Variants in TSBP1 observed in about 807,000 individuals in gnomAD.
The protein encoded by TSBP1 is testis-expressed basic protein 1.
A neutral mutation model predicts 68.8 loss-of-function variants in TSBP1; 56 were observed. That is an observed-to-expected ratio of 0.81 (90% confidence interval 0.66 to 1.02). The LOEUF is 1.02. TSBP1 is among the 50% of genes least tolerant of loss of function. The pLI is 0.00. For missense variants in TSBP1, 502 were observed against 641.2 expected (o/e 0.78, Z 2.34); for synonymous variants, 171 against 208.7 (o/e 0.82, Z 1.56).
intron 19 of TSBP1, among the ~76,000 whole-genome samples, chr6:32,308,312 C>G (rs1765976026): frequency 1.3e-5 from 2 of 151,714 alleles, no homozygotes; most frequent in African/African-American, 4.8e-5. Context: ...TTTTAACCCT[C>G]ATTTAAAAAA....
intron 8 of TSBP1, among the ~76,000 whole-genome samples, chr6:32,351,370 A>T (rs1771697601): frequency 6.6e-6 from 1 of 152,176 alleles, no homozygotes; most frequent in African/African-American, 2.4e-5. Context: ...TTGAGTGCCT[A>T]AGACACTGCT....
At chr6:32,367,817 C>A in intron 4 of TSBP1, 108 bp downstream of exon 4, 3 of 790,608 alleles carry the variant, frequency 3.8e-6, no homozygotes, top group Non-Finnish European at 6.1e-6. Context: ...ATTATAAAAA[C>A]GAAAGATATG....
Position 32,303,314 on chromosome 6 carries a change from G to GTTT in TSBP1, c.581-688_581-686dup, listed in dbSNP as rs9279565. On this transcript the variant is annotated intron_variant, in intron 19 of 22. Transcript: ENST00000612031. The stretch of plus-strand genomic sequence containing the variant: ...CTGTTTCTCTTCAGTTCTAGTACGT[G>GTTT]TTTTTTTTTTTCCCAGTGTGTTTTG... 3.1e-3 allele frequency among the ~76,000 whole-genome samples: 448 copies of GTTT among 146,682 alleles called. 2 individuals carry two copies. The highest frequency in any genetic ancestry group is 0.011 in the Middle Eastern group (3 of 282).
intron 18 of TSBP1, 85 bp downstream of exon 20, chr6:32,322,401 T>G: frequency 2.1e-6 from 2 of 970,232 alleles, no homozygotes; most frequent in Non-Finnish European, 3.2e-6. Context: ...CAAATGAATA[T>G]GAGAAATATG....
At position 32,335,571 on chromosome 6, in the gene TSBP1, C is replaced by A; in HGVS notation, c.452-114G>T. 1.2e-6 allele frequency: 1 copy of A among 866,726 alleles called. No individual in the cohort carries two copies. The highest frequency in any genetic ancestry group is 1.6e-6 in the Non-Finnish European group (1 of 640,382). The allele number at this position is 866,726 out of a possible 1,614,324, so 53.7% of individuals were successfully genotyped here. A position where few individuals can be genotyped will look rare whatever the true frequency, so the allele number is the denominator to read the frequency against. Reference sequence around the variant, plus strand: ...TAGTAGGAATCTGCATCACTATTGTCAAGTTCAGCTGCAGTTGAGTAGTAG... The same window carrying A: ...TAGTAGGAATCTGCATCACTATTGTAAAGTTCAGCTGCAGTTGAGTAGTAG... On this transcript the variant is annotated intron_variant, in intron 13 of 22. Coordinates refer to ENST00000612031, the Ensembl canonical transcript of TSBP1. This position sits in a 1 kb window ranked among gnomAD's most constrained non-coding sequence, Gnocchi z 5.5.
Position 32,343,329 on chromosome 6 carries a change from C to T in TSBP1, c.350-3691G>A, listed in dbSNP as rs1450360241. Reference sequence around the variant, plus strand: ...ATCCATCAATTTCCCAAAAGTCTTCCCAGAAATAGTGTCCTCCCTCAGGTT... The same window carrying T: ...ATCCATCAATTTCCCAAAAGTCTTCTCAGAAATAGTGTCCTCCCTCAGGTT... On this transcript the variant is annotated intron_variant, in intron 9 of 22. Transcript: ENST00000612031. The surrounding 1 kb of genome is among the most constrained non-coding windows in gnomAD (Gnocchi z 4.3). 3.1e-6 allele frequency: 3 copies of T among 974,258 alleles called. No individual in the cohort carries two copies. Among genetic ancestry groups the T allele is most frequent in the South Asian group, 2.6e-5 (1 of 37,750 alleles). The allele number at this position is 974,258 out of a possible 1,614,324, so 60.4% of individuals were successfully genotyped here. A position where few individuals can be genotyped will look rare whatever the true frequency, so the allele number is the denominator to read the frequency against.
chr6:32,311,360 G>A (rs1424886614), intron 19 of TSBP1, among the ~76,000 whole-genome samples: 1 of 152,048 alleles, frequency 6.6e-6, no homozygotes, highest in East Asian at 1.9e-4. Context: ...TTGGATGGGG[G>A]GCAGAATGTT....
At chr6:32,349,513 T>G in intron 9 of TSBP1, 1 of 483,580 alleles carries the variant, frequency 2.1e-6, no homozygotes. Context: ...ACACTTCAGG[T>G]TTGGAAATTG....
At chr6:32,347,319 A>G (rs1259735161) in intron 9 of TSBP1, among the ~76,000 whole-genome samples, 1 of 151,990 alleles carries the variant, frequency 6.6e-6, no homozygotes, top group Non-Finnish European at 1.5e-5. Context: ...GCACACCACC[A>G]TGCCAGCTAA....
In TSBP1 at chr6:32,337,288, TC is replaced by T. The variant is rs1356190391; in HGVS notation, c.410-654del. ...ATGCTTCTTTCTTCATCTTGGAGGATCCCGGTTACTGGTGGAATCTGCCAGC... is the reference window on the plus strand; with the variant it reads ...ATGCTTCTTTCTTCATCTTGGAGGATCCGGTTACTGGTGGAATCTGCCAGC... On this transcript the variant is annotated intron_variant, in intron 11 of 22. Transcript: ENST00000612031. The surrounding 1 kb of genome is among the most constrained non-coding windows in gnomAD (Gnocchi z 5.5). Among the ~76,000 whole-genome samples the T allele has an allele frequency of 1.3e-5, 2 of 152,176 alleles. No homozygotes were observed. The highest frequency in any genetic ancestry group is 4.8e-5 in the African/African-American group (2 of 41,444).
In TSBP1 at chr6:32,365,572, G is replaced by A; in HGVS notation, c.217+595C>T. ...CTATGCTGATCATCTCAATGTTCTGGGTGGAGTGAGAAATAAGTGGGCTTA... is the reference window on the plus strand; with the variant it reads ...CTATGCTGATCATCTCAATGTTCTGAGTGGAGTGAGAAATAAGTGGGCTTA... On this transcript the variant is annotated intron_variant, in intron 6 of 22. Transcript: ENST00000612031. The surrounding 1 kb of genome is among the most constrained non-coding windows in gnomAD (Gnocchi z 4.3). 2.2e-6 allele frequency: 1 copy of A among 456,392 alleles called. No homozygotes were observed. The highest frequency in any genetic ancestry group is 4.4e-6 in the Non-Finnish European group (1 of 226,814). The allele number at this position is 456,392 out of a possible 1,614,324, so 28.3% of individuals were successfully genotyped here. A position where few individuals can be genotyped will look rare whatever the true frequency, so the allele number is the denominator to read the frequency against.
At chr6:32,342,390 G>T (rs183816080) in intron 9 of TSBP1, among the ~76,000 whole-genome samples, 1 of 152,242 alleles carries the variant, frequency 6.6e-6, no homozygotes, top group East Asian at 1.9e-4. Context: ...CTGACCTCAG[G>T]TGATCCACCT....
At chr6:32,347,798 C>A (rs1289583178) in intron 9 of TSBP1, among the ~76,000 whole-genome samples, 1 of 152,172 alleles carries the variant, frequency 6.6e-6, no homozygotes, top group African/African-American at 2.4e-5. Flanking sequence ...CTCATACATG[C>A]TACTCTTCTT....
At position 32,330,577 on chromosome 6, in the gene TSBP1, T is replaced by A. The variant is rs758435269; in HGVS notation, c.514+12A>T. 30 of 1,608,342 alleles carry A rather than the reference T, an allele frequency of 1.9e-5. No homozygotes were observed. The highest frequency in any genetic ancestry group is 1.4e-5 in the Non-Finnish European group (17 of 1,177,028). On this transcript the variant is annotated intron_variant, in intron 16 of 22. Transcript: ENST00000612031. ...AGGAACCTGGAGGGAGAAGGATAGA[T>A]AAGGTACTTACCATTGGATCCAGGA...
At position 32,306,570 on chromosome 6, in the gene TSBP1, A is replaced by G. The variant is rs540181440; in HGVS notation, c.581-3941T>C. On this transcript the variant is annotated intron_variant, in intron 19 of 22. Coordinates refer to ENST00000612031, the Ensembl canonical transcript of TSBP1. The surrounding 1 kb of genome is among the most constrained non-coding windows in gnomAD (Gnocchi z 5.1). ...GCCAAACCTGGGTTTGGTTACTTAC[A>G]TTTATGTGTATCAATATTGTAAAAA... is the stretch of plus-strand genomic sequence containing the variant. Among the ~76,000 whole-genome samples the G allele has an allele frequency of 2.9e-4, 44 of 152,300 alleles. No homozygotes were observed. The South Asian group carries it at 7.1e-3, about 24-fold the overall frequency.
At position 32,336,853 on chromosome 6, in the gene TSBP1, A is replaced by G. The variant is rs2127606672; in HGVS notation, c.410-218T>C. 6.6e-6 allele frequency among the ~76,000 whole-genome samples: 1 copy of G among 152,318 alleles called. No homozygotes were observed. The highest frequency in any genetic ancestry group is 2.4e-5 in the African/African-American group (1 of 41,592). ...AAATTTAAGTAACTAAAAATAATAAATATAAATAATTAAAATAAACTACAG... is the reference window on the plus strand; with the variant it reads ...AAATTTAAGTAACTAAAAATAATAAGTATAAATAATTAAAATAAACTACAG... On this transcript the variant is annotated intron_variant, in intron 11 of 22. Transcript: ENST00000612031. This position sits in a 1 kb window ranked among gnomAD's most constrained non-coding sequence, Gnocchi z 5.2.
rs1765113884 is a variant in TSBP1, at chr6:32,299,940, A to T, written c.623-4T>A. ...AACTTACCCACAGGAGTCAGTGCTA[A>T]AAACAAAACACAAAAGAAAGATCAG... On this transcript the variant is annotated splice_polypyrimidine_tract_variant and splice_region_variant and intron_variant, in intron 21 of 22. Coordinates refer to ENST00000612031, the Ensembl canonical transcript of TSBP1. The T allele has an allele frequency of 3.7e-6, 6 of 1,608,434 alleles. 1 individual carries two copies. The Admixed American group carries it at 1.0e-4, about 27-fold the overall frequency.
rs1769823647 is a variant in TSBP1 at position 32,337,594 on chromosome 6, T to C, written c.410-959A>G. Among the ~76,000 whole-genome samples the C allele has an allele frequency of 6.6e-6, 1 of 152,176 alleles. No individual in the cohort carries two copies. Among genetic ancestry groups the C allele is most frequent in the African/African-American group, 2.4e-5 (1 of 41,442 alleles). ...TTAAGACATTTATAGGTATGAGTGT[T>C]GGGCAAAGGAATTGAGACACTAGAC... On this transcript the variant is annotated intron_variant, in intron 11 of 22. Transcript: ENST00000612031. The surrounding 1 kb of genome is among the most constrained non-coding windows in gnomAD (Gnocchi z 5.5).
intron 8 of TSBP1, among the ~76,000 whole-genome samples, chr6:32,354,425 G>T (rs932642748): frequency 6.6e-6 from 1 of 151,994 alleles, no homozygotes; most frequent in Non-Finnish European, 1.5e-5. Context: ...ATCTGGGATT[G>T]TTACTAATGC....
Sources: gnomAD v4.1 joint callset for allele counts (sites outside exome capture counted in the v4.1 genomes callset) on GRCh38, gnomAD v4.1.1 for gene constraint, Gnocchi (gnomAD v3.1) non-coding constraint, MANE v1.5 for transcripts, NCBI Gene and HGNC (gene_info 2026-07-23, HGNC 2026-07-21) for gene names.